Variants in ADTRP observed in about 807,000 individuals in gnomAD.
ADTRP encodes androgen-dependent TFPI-regulating protein.
Under a neutral mutation model 27.0 loss-of-function variants are expected in ADTRP, and 20 were observed. The ratio of observed to expected loss-of-function variants is 0.74; its 90% CI spans 0.52 to 1.08. ADTRP has a LOEUF of 1.08. Ranked by LOEUF, ADTRP falls within the 50% of genes least tolerant of loss-of-function variation. ADTRP has a pLI of 0.00. For synonymous variants in ADTRP, 101 were observed against 105.2 expected, an observed-to-expected ratio of 0.96 and a Z score of 0.25; for missense variants, 251 against 275.0, an observed-to-expected ratio of 0.91 and a Z score of 0.62.
intron 3 of ADTRP, among the ~76,000 whole-genome samples, chr6:11,747,803 G>C (rs1762915316): frequency 6.6e-6 from 1 of 152,164 alleles, no homozygotes; most frequent in Non-Finnish European, 1.5e-5. Flanking sequence ...GAGACAGAAA[G>C]GGGCTGTTTC....
At chr6:11,769,068 G>A (rs1487839084) in intron 1 of ADTRP, among the ~76,000 whole-genome samples, 1 of 152,170 alleles carries the variant, frequency 6.6e-6, no homozygotes. Context: ...AGGAGAAAGA[G>A]AAGGAGGGTA....
At chr6:11,777,572 C>T in intron 1 of ADTRP, among the ~76,000 whole-genome samples, 1 of 152,006 alleles carries the variant, frequency 6.6e-6, no homozygotes, top group East Asian at 1.9e-4. Flanking sequence ...CATAAAATTC[C>T]ATGATTGAAA....
intron 3 of ADTRP, among the ~76,000 whole-genome samples, chr6:11,738,374 C>T (rs2113909454): frequency 6.6e-6 from 1 of 152,336 alleles, no homozygotes; most frequent in South Asian, 2.1e-4. Flanking sequence ...TGCTGATGCT[C>T]AGTGACCAAC....
chr6:11,718,626 G>T (rs760593043), intron 5 of ADTRP, among the ~76,000 whole-genome samples: 4 of 152,136 alleles, frequency 2.6e-5, no homozygotes, highest in Non-Finnish European at 5.9e-5. Context: ...TCCCCCATCT[G>T]CTTCTATCAT....
At chr6:11,745,192 C>A (rs1345431183) in intron 3 of ADTRP, among the ~76,000 whole-genome samples, 2 of 151,776 alleles carry the variant, frequency 1.3e-5, no homozygotes, top group Non-Finnish European at 2.9e-5. Flanking sequence ...CTCTCTCTCT[C>A]TCTCTGTGGG....
chr6:11,717,541 T>C (rs1761872884), intron 5 of ADTRP: 4 of 1,078,168 alleles, frequency 3.7e-6, no homozygotes, highest in Non-Finnish European at 4.7e-6. Context: ...CTCAAAGATT[T>C]ACACCTATGT....
In ADTRP at chr6:11,736,400, C is replaced by G. The variant is rs116140091; in HGVS notation, c.391-717G>C. On this transcript the variant is annotated intron_variant, in intron 3 of 5. Coordinates refer to ENST00000414691, the MANE Select transcript of ADTRP (RefSeq NM_032744.4). The stretch of plus-strand genomic sequence containing the variant: ...ACACATTTGTGCACAAACACGCACA[C>G]TAACACATATACACTTCGGCATATT... 1,330 of 152,940 alleles carry G rather than the reference C, an allele frequency of 8.7e-3. 13 individuals are homozygous for G. Among genetic ancestry groups the G allele is most frequent in the Middle Eastern group, 0.02 (6 of 298 alleles). The allele number at this position is 152,940 out of a possible 1,614,324, so 9.5% of individuals were successfully genotyped here.
chr6:11,777,971 C>T (rs1275387017), intron 1 of ADTRP, among the ~76,000 whole-genome samples: 1 of 152,194 alleles, frequency 6.6e-6, no homozygotes, highest in African/African-American at 2.4e-5. Flanking sequence ...ATTCACACTT[C>T]ATCAGAATGC....
chr6:11,753,287 T>A (rs1202327406), intron 3 of ADTRP, among the ~76,000 whole-genome samples: 2 of 152,240 alleles, frequency 1.3e-5, no homozygotes, highest in Non-Finnish European at 2.9e-5. Context: ...GTAGACATTT[T>A]AAAAATGTGA....
intron 3 of ADTRP, among the ~76,000 whole-genome samples, chr6:11,762,495 T>G (rs559947350): frequency 1.3e-5 from 2 of 152,256 alleles, no homozygotes; most frequent in South Asian, 4.1e-4. Context: ...ATTAAATAAC[T>G]AGGTGGCTGT....
At chr6:11,769,415 T>G (rs959685558) in intron 1 of ADTRP, among the ~76,000 whole-genome samples, 17 of 152,130 alleles carry the variant, frequency 1.1e-4, no homozygotes, top group African/African-American at 4.1e-4. Context: ...ATGCTGCTCC[T>G]GGGCTGAGGG....
At chr6:11,756,205 C>T (rs1763209700) in intron 3 of ADTRP, among the ~76,000 whole-genome samples, 1 of 152,066 alleles carries the variant, frequency 6.6e-6, no homozygotes, top group South Asian at 2.1e-4. Context: ...CTAGCAAACA[C>T]AAAAAATTAG....
chr6:11,760,024 A>T (rs1199683428), intron 3 of ADTRP, among the ~76,000 whole-genome samples: 1 of 152,228 alleles, frequency 6.6e-6, no homozygotes, highest in Admixed American at 6.5e-5. Flanking sequence ...CTCTGCTGGT[A>T]CATGGATTTC....
intron 1 of ADTRP, among the ~76,000 whole-genome samples, chr6:11,774,872 A>G (rs925271703): frequency 6.6e-6 from 1 of 152,222 alleles, no homozygotes; most frequent in Non-Finnish European, 1.5e-5. Flanking sequence ...AGAGCAAGGG[A>G]CATAGCATTT....
intron 1 of ADTRP, among the ~76,000 whole-genome samples, chr6:11,773,877 A>C (rs1445810892): frequency 6.6e-6 from 1 of 152,246 alleles, no homozygotes; most frequent in East Asian, 1.9e-4. Context: ...TTACTTGCTC[A>C]ATAATTTATA....
chr6:11,729,262 T>C (rs1762310112), intron 4 of ADTRP, among the ~76,000 whole-genome samples: 1 of 152,126 alleles, frequency 6.6e-6, no homozygotes, highest in Non-Finnish European at 1.5e-5. Flanking sequence ...CAGGAGAAAC[T>C]GCAAGGCTAG....
intron 5 of ADTRP, among the ~76,000 whole-genome samples, chr6:11,715,200 C>T (rs201155369): frequency 1.3e-5 from 1 of 75,412 alleles, no homozygotes; most frequent in African/African-American, 1.7e-4. Context: ...AAAAACTTCT[C>T]CTCCATTCCA....
At chr6:11,773,735 A>T (rs565186905) in intron 1 of ADTRP, among the ~76,000 whole-genome samples, 27 of 152,334 alleles carry the variant, frequency 1.8e-4, no homozygotes, top group African/African-American at 6.0e-4. Context: ...AAACTGAAGC[A>T]CAGAGAAGTT....
At chr6:11,753,174 G>C (rs1763109960) in intron 3 of ADTRP, among the ~76,000 whole-genome samples, 1 of 152,284 alleles carries the variant, frequency 6.6e-6, no homozygotes, top group East Asian at 1.9e-4. Context: ...CTTGGACATA[G>C]AGCTAAGAAA....
Sources: gnomAD v4.1 joint callset for allele counts (sites outside exome capture counted in the v4.1 genomes callset) on GRCh38, gnomAD v4.1.1 for gene constraint, MANE v1.5 for transcripts, NCBI Gene and HGNC (gene_info 2026-07-23, HGNC 2026-07-21) for gene names.